Variants in NREP observed in about 807,000 individuals in gnomAD.
NREP encodes neuronal regeneration related protein, also known as neuronal regeneration-related protein.
A neutral mutation model predicts 8.6 loss-of-function variants in NREP; 5 were observed. The ratio of observed to expected loss-of-function variants is 0.58; its 90% CI spans 0.30 to 1.22. The LOEUF (loss-of-function observed/expected upper bound fraction) is 1.22. NREP is among the 50% of genes most tolerant of loss of function. The probability of loss-of-function intolerance (pLI) is 0.07; values close to 1 mark genes in which losing one functional copy is unlikely to be tolerated. For missense variants in NREP, 86 were observed against 82.5 expected, an observed-to-expected ratio of 1.04 and a Z score of -0.17; for synonymous variants, 27 against 28.0, an observed-to-expected ratio of 0.96 and a Z score of 0.11.
intron 2 of NREP, among the ~76,000 whole-genome samples, chr5:111,910,227 G>C (rs934185604): frequency 1.3e-5 from 2 of 151,898 alleles, no homozygotes; most frequent in African/African-American, 4.8e-5. Flanking sequence ...TTTCACTCTG[G>C]ATACCAAAGA....
At chr5:111,925,886 T>C (rs1755370133) in intron 2 of NREP, among the ~76,000 whole-genome samples, 1 of 152,212 alleles carries the variant, frequency 6.6e-6, no homozygotes, top group South Asian at 2.1e-4. Context: ...GGAATGGTTG[T>C]TCTATAATTT....
chr5:111,945,540 T>G (rs78093071), intron 2 of NREP, among the ~76,000 whole-genome samples: 1 of 134,648 alleles, frequency 7.4e-6, no homozygotes, highest in Admixed American at 7.8e-5. Flanking sequence ...GAAGAAAAAA[T>G]GAAAAAGGAA....
chr5:111,919,913 A>AAGAG (rs1755182815), intron 2 of NREP, among the ~76,000 whole-genome samples: 1 of 149,270 alleles, frequency 6.7e-6, no homozygotes, highest in Non-Finnish European at 1.5e-5. Flanking sequence ...GAAAGAAAGA[A>AAGAG]AGAAAGATCT....
At chr5:111,746,934 T>G (rs182941452) in intron 2 of NREP, among the ~76,000 whole-genome samples, 2 of 152,298 alleles carry the variant, frequency 1.3e-5, no homozygotes, top group Non-Finnish European at 2.9e-5. Context: ...TGAGTTCCTC[T>G]GATGCAGAAG....
chr5:111,933,723 G>C (rs527462099), intron 2 of NREP, among the ~76,000 whole-genome samples: 1 of 152,040 alleles, frequency 6.6e-6, no homozygotes, highest in East Asian at 1.9e-4. Flanking sequence ...GGGTATCACT[G>C]AGTCCCAGAA....
intron 2 of NREP, among the ~76,000 whole-genome samples, chr5:111,841,434 A>G (rs1424116623): frequency 6.6e-6 from 1 of 152,208 alleles, no homozygotes; most frequent in African/African-American, 2.4e-5. Context: ...TTGTTAAGTT[A>G]TACCTTTAGA....
intron 2 of NREP, among the ~76,000 whole-genome samples, chr5:111,787,569 A>T (rs1380964615): frequency 6.6e-6 from 1 of 152,138 alleles, no homozygotes; most frequent in Non-Finnish European, 1.5e-5. Flanking sequence ...TTGCCACAGA[A>T]GGTGGAAACA....
chr5:111,784,556 C>T (rs1242155057), intron 2 of NREP, among the ~76,000 whole-genome samples: 1 of 152,136 alleles, frequency 6.6e-6, no homozygotes, highest in African/African-American at 2.4e-5. Flanking sequence ...CTGTTTTACA[C>T]TATTGATAGT....
intron 2 of NREP, among the ~76,000 whole-genome samples, chr5:111,908,765 G>A (rs1754836870): frequency 6.6e-6 from 1 of 151,964 alleles, no homozygotes; most frequent in African/African-American, 2.4e-5. Context: ...TAGGTAGAAT[G>A]ATTCATTTTC....
At chr5:111,815,649 G>A (rs1280350528) in intron 2 of NREP, among the ~76,000 whole-genome samples, 1 of 151,710 alleles carries the variant, frequency 6.6e-6, no homozygotes, top group African/African-American at 2.4e-5. Context: ...CATAAGACTC[G>A]GCAAAACCGA....
upstream of NREP, chr5:111,757,413 T>C (rs1413417012): frequency 1.0e-6 from 1 of 982,214 alleles, no homozygotes; most frequent in Non-Finnish European, 1.2e-6. Context: ...TGTGTCTCTC[T>C]CTTTCTCTAA....
chr5:111,837,044 TTTTG>T (rs1752913229), intron 2 of NREP, among the ~76,000 whole-genome samples: 1 of 152,124 alleles, frequency 6.6e-6, no homozygotes, highest in South Asian at 2.1e-4. Flanking sequence ...ACTAAGTTTA[TTTTG>T]ATGGGCAAGA....
intron 2 of NREP, among the ~76,000 whole-genome samples, chr5:111,911,990 C>T (rs1400789196): frequency 1.3e-5 from 2 of 152,018 alleles, no homozygotes; most frequent in Non-Finnish European, 2.9e-5. Context: ...TCTAATGGTA[C>T]ACGATTGATA....
chr5:111,942,305 TC>T (rs1755851725), intron 2 of NREP, among the ~76,000 whole-genome samples: 1 of 152,040 alleles, frequency 6.6e-6, no homozygotes, highest in Admixed American at 6.6e-5. Flanking sequence ...CTGAATTTTC[TC>T]ACTTAAAAAA....
chr5:111,794,404 C>A (rs191026128), intron 2 of NREP, among the ~76,000 whole-genome samples: 1 of 152,216 alleles, frequency 6.6e-6, no homozygotes, highest in Non-Finnish European at 1.5e-5. Context: ...CTCATAATTG[C>A]CAAAACTTGG....
chr5:111,755,791 G>C lies in NREP; in HGVS notation c.-19C>G. 1.2e-6 allele frequency: 2 copies of C among 1,613,748 alleles called. No individual in the cohort carries two copies. The highest frequency in any genetic ancestry group is 1.1e-5 in the South Asian group (1 of 91,072). On this transcript the variant is annotated 5_prime_UTR_variant, in exon 2 of 4. Transcript: ENST00000257435. ...TTACCATTTTGAGAATCTTAGTCTT[G>C]GGCTTCTATTCTCCCTCTCTTCAGT...
intron 2 of NREP, among the ~76,000 whole-genome samples, chr5:111,840,257 A>G (rs1402949744): frequency 6.6e-6 from 1 of 151,760 alleles, no homozygotes; most frequent in Admixed American, 6.6e-5. Flanking sequence ...AGTATTTCTG[A>G]GAAGTCTTTG....
chr5:111,903,645 G>A (rs1012347946), intron 2 of NREP, among the ~76,000 whole-genome samples: 3 of 152,036 alleles, frequency 2.0e-5, no homozygotes, highest in African/African-American at 7.2e-5. Context: ...TTAGGGTGAT[G>A]GTAATTGTTC....
At chr5:111,874,741 G>T (rs1753865771) in intron 2 of NREP, among the ~76,000 whole-genome samples, 1 of 152,088 alleles carries the variant, frequency 6.6e-6, no homozygotes, top group African/African-American at 2.4e-5. Context: ...CCCATTTTTA[G>T]GCTTTTTCGG....
Sources: gnomAD v4.1 joint callset for allele counts (sites outside exome capture counted in the v4.1 genomes callset) on GRCh38, gnomAD v4.1.1 for gene constraint, MANE v1.5 for transcripts, NCBI Gene and HGNC (gene_info 2026-07-23, HGNC 2026-07-21) for gene names.